Variants in TTC28 observed in about 807,000 individuals in gnomAD.
TTC28 encodes tetratricopeptide repeat domain 28.
A neutral mutation model predicts 198.0 loss-of-function variants in TTC28; 61 were observed. That is an observed-to-expected ratio of 0.31 (90% confidence interval 0.25 to 0.38). The LOEUF (loss-of-function observed/expected upper bound fraction) is 0.38, where lower values mean the gene tolerates loss of function less well. Among genes scored for constraint, TTC28 ranks in the 10% least tolerant of loss-of-function variants. The probability of loss-of-function intolerance (pLI) is 1.00; values close to 1 mark genes in which losing one functional copy is unlikely to be tolerated. For synonymous variants in TTC28, 1,171 were observed against 1,297.8 expected, an observed-to-expected ratio of 0.90 and a Z score of 2.10; for missense variants, 2,678 against 3,164.0, an observed-to-expected ratio of 0.85 and a Z score of 3.69.
chr22:28,632,835 T>G (rs1313126838), intron 1 of TTC28, among the ~76,000 whole-genome samples: 1 of 151,484 alleles, frequency 6.6e-6, no homozygotes, highest in Non-Finnish European at 1.5e-5. Context: ...CATAAAGAAT[T>G]GCAGAGTAGG....
At chr22:28,290,820 G>C (rs1285320219) in intron 5 of TTC28, among the ~76,000 whole-genome samples, 1 of 152,062 alleles carries the variant, frequency 6.6e-6, no homozygotes, top group Non-Finnish European at 1.5e-5. Flanking sequence ...GCTGAGGTGG[G>C]AGGATCAATT....
intron 12 of TTC28, among the ~76,000 whole-genome samples, chr22:28,061,826 G>A (rs969587179): frequency 2.0e-5 from 3 of 152,084 alleles, no homozygotes; most frequent in African/African-American, 4.8e-5. Context: ...CCATTTTCAC[G>A]ATATTCATTC....
intron 5 of TTC28, among the ~76,000 whole-genome samples, chr22:28,211,631 G>C (rs1032988542): frequency 6.6e-6 from 1 of 152,076 alleles, no homozygotes; most frequent in Non-Finnish European, 1.5e-5. Flanking sequence ...GATTCATAAA[G>C]CAAGTCCTTA....
At chr22:28,663,231 G>C (rs535166699) in intron 1 of TTC28, among the ~76,000 whole-genome samples, 1 of 147,432 alleles carries the variant, frequency 6.8e-6, no homozygotes, top group East Asian at 2.0e-4. Flanking sequence ...CTGGGAGACA[G>C]AGCGAAACTC....
chr22:27,992,015 C>T (rs986985106), intron 19 of TTC28, among the ~76,000 whole-genome samples: 6 of 151,542 alleles, frequency 4.0e-5, no homozygotes, highest in African/African-American at 1.2e-4. Flanking sequence ...TCCTGGTGGG[C>T]TGGCCCCACA....
chr22:28,252,521 G>A (rs1313526490), intron 5 of TTC28, among the ~76,000 whole-genome samples: 2 of 152,178 alleles, frequency 1.3e-5, no homozygotes, highest in African/African-American at 2.4e-5. Context: ...TGAAACAACT[G>A]AAACCAGAGA....
At chr22:28,670,704 C>CATAT (rs146059811) in intron 1 of TTC28, among the ~76,000 whole-genome samples, 1,736 of 128,534 alleles carry the variant, frequency 0.014, 92 homozygotes, top group East Asian at 0.082. Context: ...GTCTTTAGGG[C>CATAT]ATATATATAT....
intron 2 of TTC28, among the ~76,000 whole-genome samples, chr22:28,455,713 C>CA (rs747031430): frequency 0.052 from 6,351 of 121,764 alleles, 163 homozygotes; most frequent in African/African-American, 0.088. Context: ...GACTCTTTCC[C>CA]AAAAAAAAAA....
intron 2 of TTC28, among the ~76,000 whole-genome samples, chr22:28,507,556 A>G (rs1270249519): frequency 6.6e-6 from 1 of 152,150 alleles, no homozygotes; most frequent in East Asian, 1.9e-4. Flanking sequence ...GAAATGCAAG[A>G]AACCCAGTAA....
chr22:28,098,531 G>C (rs1942039422), intron 10 of TTC28, among the ~76,000 whole-genome samples: 3 of 152,006 alleles, frequency 2.0e-5, no homozygotes, highest in Admixed American at 2.0e-4. Flanking sequence ...GGGCAACATA[G>C]TGAGACCTCA....
intron 2 of TTC28, among the ~76,000 whole-genome samples, chr22:28,363,065 T>C (rs1021407860): frequency 3.3e-5 from 5 of 152,270 alleles, no homozygotes; most frequent in Admixed American, 3.3e-4. Flanking sequence ...TGAATGTTAA[T>C]CCCCAAGACA....
intron 6 of TTC28, among the ~76,000 whole-genome samples, chr22:28,134,979 C>T (rs1044810461): frequency 2.1e-4 from 32 of 152,192 alleles, no homozygotes; most frequent in African/African-American, 6.3e-4. Context: ...TTTTGAGCAT[C>T]GGTATCATCT....
chr22:28,182,885 A>G (rs1377388035), intron 5 of TTC28, among the ~76,000 whole-genome samples: 1 of 152,178 alleles, frequency 6.6e-6, no homozygotes, highest in Admixed American at 6.5e-5. Flanking sequence ...TGTTTAAACC[A>G]AATTACAAAT....
At chr22:28,273,136 G>A (rs900379873) in intron 5 of TTC28, among the ~76,000 whole-genome samples, 1 of 152,044 alleles carries the variant, frequency 6.6e-6, no homozygotes, top group African/African-American at 2.4e-5. Context: ...ATTCTTAACT[G>A]GATTAAGATG....
intron 2 of TTC28, among the ~76,000 whole-genome samples, chr22:28,596,736 T>C (rs2050549022): frequency 6.6e-6 from 1 of 152,172 alleles, no homozygotes; most frequent in South Asian, 2.1e-4. Context: ...TGTACCAGGA[T>C]CTTATGCTAA....
chr22:28,275,583 T>C (rs539540786), intron 5 of TTC28, among the ~76,000 whole-genome samples: 9 of 152,328 alleles, frequency 5.9e-5, no homozygotes, highest in Non-Finnish European at 7.4e-5. Context: ...TTTTAACTTA[T>C]AATTGTTTTA....
chr22:28,295,604 C>A (rs1459515747), intron 5 of TTC28, among the ~76,000 whole-genome samples: 1 of 152,186 alleles, frequency 6.6e-6, no homozygotes, highest in Non-Finnish European at 1.5e-5. Flanking sequence ...GGATTTAAAT[C>A]TGGGCCTATC....
chr22:28,527,538 T>C (rs2049029039), intron 2 of TTC28, among the ~76,000 whole-genome samples: 4 of 152,064 alleles, frequency 2.6e-5, no homozygotes. Flanking sequence ...CAACAAGGTT[T>C]CAGACATTGG....
Position 27,983,507 on chromosome 22 carries a change from C to G in TTC28, c.6160G>C (p.Glu2054Gln). The G allele has an allele frequency of 6.5e-7, 1 of 1,548,758 alleles. No homozygotes were observed. ...QTRPAGNKDE[E>Q]EYEGFSIISN... ...ATGATAGAAAACCCTTCATATTCTT[C>G]TTCATCTTTGTTGCCTGCAGGGCGG... The change falls in exon 23 of 23, where the codon GAA becomes CAA. Residue 2054 changes from glutamate (E) to glutamine (Q), a missense_variant. Around this residue, in one of 8 missense-constraint regions of TTC28, gnomAD observed 622 missense variants for 656.0 expected, o/e 0.95. Coordinates refer to ENST00000397906, the MANE Select transcript of TTC28 (RefSeq NM_001145418.2).
Sources: gnomAD v4.1 joint callset for allele counts (sites outside exome capture counted in the v4.1 genomes callset) on GRCh38, gnomAD v4.1.1 for gene constraint, gnomAD v4.1.1 regional missense constraint, MANE v1.5 for transcripts, NCBI Gene and HGNC (gene_info 2026-07-23, HGNC 2026-07-21) for gene names.